Variants in ATP6V1C1 observed in about 807,000 individuals in gnomAD.
ATP6V1C1 encodes ATPase H+ transporting V1 subunit C1.
Under a neutral mutation model 53.9 loss-of-function variants are expected in ATP6V1C1, and 45 were observed. The ratio of observed to expected loss-of-function variants is 0.83; its 90% CI spans 0.66 to 1.07. The LOEUF is 1.07. Ranked by LOEUF, ATP6V1C1 falls within the 50% of genes least tolerant of loss-of-function variation. ATP6V1C1 has a pLI of 0.00. For missense variants in ATP6V1C1, 315 were observed against 440.3 expected, an observed-to-expected ratio of 0.72 and a Z score of 2.55; for synonymous variants, 153 against 155.2, an observed-to-expected ratio of 0.99 and a Z score of 0.11.
chr8:103,060,120 A>T (rs1817371355), intron 8 of ATP6V1C1, among the ~76,000 whole-genome samples: 1 of 151,766 alleles, frequency 6.6e-6, no homozygotes, highest in Non-Finnish European at 1.5e-5. Flanking sequence ...GGCATGTGCC[A>T]CCACACTCAG....
At chr8:103,051,744 GA>G (rs1817204216) in intron 5 of ATP6V1C1, among the ~76,000 whole-genome samples, 2 of 151,470 alleles carry the variant, frequency 1.3e-5, no homozygotes, top group South Asian at 2.1e-4. Flanking sequence ...AACTTGAGAG[GA>G]AAAAAAAGTC....
chr8:103,049,891 A>T (rs1383596772), intron 4 of ATP6V1C1, among the ~76,000 whole-genome samples: 1 of 152,154 alleles, frequency 6.6e-6, no homozygotes, highest in Non-Finnish European at 1.5e-5. Flanking sequence ...CAGGAGTTCA[A>T]GGCTGCAGTG....
At chr8:103,029,704 C>G (rs942683372) in intron 1 of ATP6V1C1, among the ~76,000 whole-genome samples, 3 of 152,048 alleles carry the variant, frequency 2.0e-5, no homozygotes, top group African/African-American at 7.3e-5. Context: ...CAAATTGTTA[C>G]AGCTGTATTC....
intron 1 of ATP6V1C1, among the ~76,000 whole-genome samples, chr8:103,029,137 C>T (rs948496039): frequency 1.2e-4 from 19 of 152,026 alleles, no homozygotes; most frequent in African/African-American, 4.6e-4. Context: ...TATGCATATC[C>T]TTATTTTCTT....
chr8:103,060,382 A>G (rs1192317895), intron 8 of ATP6V1C1, among the ~76,000 whole-genome samples: 1 of 152,128 alleles, frequency 6.6e-6, no homozygotes, highest in Admixed American at 6.5e-5. Flanking sequence ...TCTTTCTTTC[A>G]AACTTCCACC....
chr8:103,027,451 A>C (rs1477433663), intron 1 of ATP6V1C1, among the ~76,000 whole-genome samples: 1 of 152,160 alleles, frequency 6.6e-6, no homozygotes, highest in East Asian at 1.9e-4. Flanking sequence ...CCATTCACAG[A>C]AGCAGTGCCA....
rs765066050 is a variant in ATP6V1C1, at chr8:103,064,773, C to T, written c.888C>T (p.His296=). ...NFSEAFIAWI[H]VKALRVFVES... is the part of the protein sequence containing the mutation. ...GTGAAGCATTTATTGCATGGATTCA[C>T]GTGAAAGCATTACGGGTTTTCGTTG... The change falls in exon 11 of 13, where the codon CAC becomes CAT. Residue 296 remains histidine (H), a synonymous_variant. Transcript: ENST00000518738. 6.8e-6 allele frequency: 11 copies of T among 1,613,042 alleles called. No homozygotes were observed. Among genetic ancestry groups the T allele is most frequent in the Admixed American group, 3.3e-5 (2 of 59,794 alleles).
Position 103,070,900 on chromosome 8 carries a change from C to A in ATP6V1C1, c.*2153C>A, listed in dbSNP as rs1817576374. ...GTAAAATGGGCATGATTAGAGTGCC[C>A]ACCGCATTAGGGATGTTGGGGTGAG... On this transcript the variant is annotated 3_prime_UTR_variant, in exon 13 of 13. Coordinates refer to ENST00000518738, the MANE Select transcript of ATP6V1C1 (RefSeq NM_001695.5). The A allele has an allele frequency of 6.6e-6, 1 of 152,238 alleles. No individual in the cohort carries two copies. Among genetic ancestry groups the A allele is most frequent in the Non-Finnish European group, 1.5e-5 (1 of 68,082 alleles). The allele number at this position is 152,238 out of a possible 1,614,324, so 9.4% of individuals were successfully genotyped here. A position where few individuals can be genotyped will look rare whatever the true frequency, so the allele number is the denominator to read the frequency against.
At chr8:103,057,680 T>A (rs1817314148) in intron 8 of ATP6V1C1, among the ~76,000 whole-genome samples, 2 of 152,194 alleles carry the variant, frequency 1.3e-5, no homozygotes, top group African/African-American at 4.8e-5. Context: ...ATTTTCTTTG[T>A]CTGTAAATGG....
intron 1 of ATP6V1C1, among the ~76,000 whole-genome samples, chr8:103,036,870 T>A (rs768000361): frequency 6.6e-6 from 1 of 152,060 alleles, no homozygotes. Context: ...ACCTGCCATT[T>A]TGGGGGGAGA....
At chr8:103,042,026 GACCTCCTACTTAAGAGCC>G in intron 2 of ATP6V1C1, among the ~76,000 whole-genome samples, 5 of 152,120 alleles carry the variant, frequency 3.3e-5, no homozygotes, top group African/African-American at 1.2e-4. Flanking sequence ...CACATCCGTG[GACCTCCTACTTAAGAGCC>G]TGTGTTGTAA....
intron 8 of ATP6V1C1, 84 bp downstream of exon 8, chr8:103,056,020 T>C: frequency 7.4e-7 from 1 of 1,358,372 alleles, no homozygotes; most frequent in Non-Finnish European, 1.0e-6. Flanking sequence ...ATGTTTGCTG[T>C]CTTGCCTTTG....
intron 8 of ATP6V1C1, among the ~76,000 whole-genome samples, chr8:103,058,827 C>A (rs1563608740): frequency 6.6e-6 from 1 of 152,084 alleles, no homozygotes. Context: ...GAAATACTAC[C>A]ATTGCTGTGA....
At chr8:103,048,722 A>G in intron 3 of ATP6V1C1, 148 bp from the exon 4 acceptor site, 1 of 586,400 alleles carries the variant, frequency 1.7e-6, no homozygotes, top group Non-Finnish European at 2.9e-6. Context: ...AAAACATTAT[A>G]AGGTAAGATC....
rs1376888390 is a variant in ATP6V1C1, at chr8:103,021,143, G to C, written c.-122G>C. On this transcript the variant is annotated 5_prime_UTR_variant, in exon 1 of 13. Coordinates refer to ENST00000518738, the MANE Select transcript of ATP6V1C1 (RefSeq NM_001695.5). ...CCGGAGCTTAGGTCGGGAAGGGATG[G>C]ATCGCTGAGCCGATAGCGTCCGCTA... 1 of 152,926 alleles carries C rather than the reference G, an allele frequency of 6.5e-6. No individual in the cohort carries two copies. Among genetic ancestry groups the C allele is most frequent in the Non-Finnish European group, 1.5e-5 (1 of 68,258 alleles). The allele number at this position is 152,926 out of a possible 1,614,324, so 9.5% of individuals were successfully genotyped here.
chr8:103,047,463 C>CT (rs1817124784), intron 3 of ATP6V1C1, among the ~76,000 whole-genome samples: 2 of 86,824 alleles, frequency 2.3e-5, no homozygotes, highest in African/African-American at 8.9e-5. Context: ...CACACACACA[C>CT]ATTTTTTTTT....
chr8:103,052,435 T>G (rs368335378), intron 5 of ATP6V1C1, among the ~76,000 whole-genome samples: 8 of 152,072 alleles, frequency 5.3e-5, no homozygotes, highest in African/African-American at 1.9e-4. Flanking sequence ...AATAGTAATC[T>G]CCAAACCCAG....
At chr8:103,035,309 GT>G in intron 1 of ATP6V1C1, among the ~76,000 whole-genome samples, 1 of 149,802 alleles carries the variant, frequency 6.7e-6, no homozygotes, top group Middle Eastern at 3.4e-3. Context: ...GTTTTGATTG[GT>G]TCCATCATTG....
intron 4 of ATP6V1C1, among the ~76,000 whole-genome samples, chr8:103,050,049 A>C (rs1285368153): frequency 6.6e-6 from 1 of 152,198 alleles, no homozygotes; most frequent in Non-Finnish European, 1.5e-5. Flanking sequence ...TATATTTTAA[A>C]TCCAGTGTTC....
Sources: gnomAD v4.1 joint callset for allele counts (sites outside exome capture counted in the v4.1 genomes callset) on GRCh38, gnomAD v4.1.1 for gene constraint, MANE v1.5 for transcripts, NCBI Gene and HGNC (gene_info 2026-07-23, HGNC 2026-07-21) for gene names.